The following NTRK3 variants were observed in gnomAD, a reference collection of about 807,000 sequenced individuals.
The protein encoded by NTRK3 is neurotrophic receptor tyrosine kinase 3, also known as NT-3 growth factor receptor.
Under a neutral mutation model 91.7 loss-of-function variants are expected in NTRK3, and 24 were observed. That is an observed-to-expected ratio of 0.26 (90% confidence interval 0.19 to 0.37). The LOEUF is 0.37. NTRK3 is among the 10% of genes least tolerant of loss of function. NTRK3 has a pLI of 1.00. For synonymous variants in NTRK3, 483 were observed against 404.0 expected (o/e 1.20, Z -2.34); for missense variants, 880 against 1,068.9 (o/e 0.82, Z 2.46).
chr15:88,033,081 G>A (rs368755604), intron 13 of NTRK3, 36 bp from the exon 14 acceptor site: 137 of 1,543,632 alleles, frequency 8.9e-5, no homozygotes, highest in Middle Eastern at 2.1e-4. Flanking sequence ...ACCTGGTGAC[G>A]TCACATCCGG....
At chr15:88,082,191 T>C (rs2048106565) in intron 13 of NTRK3, among the ~76,000 whole-genome samples, 1 of 148,316 alleles carries the variant, frequency 6.7e-6, no homozygotes, top group East Asian at 2.0e-4. Flanking sequence ...GGCAGGAGAA[T>C]GGAGTGAACC....
At chr15:87,982,637 A>T (rs2074386863) in intron 14 of NTRK3, among the ~76,000 whole-genome samples, 1 of 152,046 alleles carries the variant, frequency 6.6e-6, no homozygotes, top group African/African-American at 2.4e-5. Context: ...CTGTAAATGG[A>T]GCTTAGGGGA....
At chr15:88,061,954 T>G (rs1052291022) in intron 13 of NTRK3, among the ~76,000 whole-genome samples, 1 of 152,170 alleles carries the variant, frequency 6.6e-6, no homozygotes, top group African/African-American at 2.4e-5. Context: ...GTTCCACATC[T>G]GCAGATTCAG....
intron 13 of NTRK3, among the ~76,000 whole-genome samples, chr15:88,071,559 T>A (rs2047090505): frequency 6.6e-6 from 1 of 152,262 alleles, no homozygotes; most frequent in African/African-American, 2.4e-5. Context: ...AGATATTTAT[T>A]GTGCACCTAT....
chr15:88,145,834 A>G (rs1056107912), intron 6 of NTRK3, among the ~76,000 whole-genome samples: 9 of 136,802 alleles, frequency 6.6e-5, no homozygotes, highest in Non-Finnish European at 1.4e-4. Context: ...GTAACTTAAG[A>G]AAGACCACAA....
At position 88,235,922 on chromosome 15, in the gene NTRK3, A is replaced by G. The variant is rs2141816505; in HGVS notation, c.248+19984T>C. Among the ~76,000 whole-genome samples, 1 of 152,348 alleles carries G rather than the reference A, an allele frequency of 6.6e-6. No homozygotes were observed. Among genetic ancestry groups the G allele is most frequent in the Admixed American group, 6.5e-5 (1 of 15,306 alleles). On this transcript the variant is annotated intron_variant, in intron 3 of 18. Transcript: ENST00000394480. The surrounding 1 kb of genome is among the most constrained non-coding windows in gnomAD (Gnocchi z 5.2). ...CCCTCAATTTCTTCCTCTGCAAGGC[A>G]AAGATACAAGGTCCTGTTTCGATGA...
At chr15:88,142,058 C>T (rs187100852) in intron 6 of NTRK3, among the ~76,000 whole-genome samples, 2 of 152,178 alleles carry the variant, frequency 1.3e-5, no homozygotes, top group Non-Finnish European at 1.5e-5. Context: ...CAATGACACC[C>T]TAGACAGCCC....
intron 3 of NTRK3, among the ~76,000 whole-genome samples, chr15:88,199,364 C>T (rs1310321935): frequency 6.6e-6 from 1 of 152,192 alleles, no homozygotes; most frequent in Non-Finnish European, 1.5e-5. Flanking sequence ...ACTCCATGAT[C>T]CTTGGGGCAG....
At chr15:87,962,420 AGAG>A (rs1227837319) in intron 14 of NTRK3, among the ~76,000 whole-genome samples, 1 of 152,214 alleles carries the variant, frequency 6.6e-6, no homozygotes, top group Non-Finnish European at 1.5e-5. Context: ...TGTTAGAAAA[AGAG>A]GAGGAGAGGT....
At position 87,943,913 on chromosome 15, in the gene NTRK3, G is replaced by A. The variant is rs533819437; in HGVS notation, c.1586-3160C>T. On this transcript the variant is annotated intron_variant, in intron 14 of 18. Coordinates refer to ENST00000394480, the Ensembl canonical transcript of NTRK3. ...GCTCATCTGCTCTCTGTGAGCACAT[G>A]AAAAAGCCCAAGCAGAAGCCTCCGT... Among the ~76,000 whole-genome samples the A allele has an allele frequency of 2.6e-5, 4 of 152,154 alleles. No homozygotes were observed. In the East Asian group the frequency reaches 7.8e-4, roughly 30 times the overall value.
chr15:87,974,106 A>C (rs1210356822), intron 14 of NTRK3, among the ~76,000 whole-genome samples: 1 of 152,066 alleles, frequency 6.6e-6, no homozygotes, highest in African/African-American at 2.4e-5. Flanking sequence ...TCCTTTGCTC[A>C]TGCCTGGTCT....
Position 87,864,056 on chromosome 15 carries a change from C to G in NTRK3, c.*12879G>C, listed in dbSNP as rs182121761. Reference sequence around the variant, plus strand: ...AAAGTAAAGTCTACCTGAGAAATAACATGAATCTTCCCCCAACAGTACACA... The same window carrying G: ...AAAGTAAAGTCTACCTGAGAAATAAGATGAATCTTCCCCCAACAGTACACA... On this transcript the variant is annotated 3_prime_UTR_variant, in exon 19 of 19. Coordinates refer to ENST00000394480, the Ensembl canonical transcript of NTRK3. 8 of 231,020 alleles carry G rather than the reference C, an allele frequency of 3.5e-5. No homozygotes were observed. The East Asian group carries it at 4.9e-4, about 14-fold the overall frequency. 14.3% of individuals were successfully genotyped at this position (231,020 alleles called of 1,614,324 possible).
chr15:87,975,634 C>A (rs2073654984), intron 14 of NTRK3, among the ~76,000 whole-genome samples: 1 of 152,168 alleles, frequency 6.6e-6, no homozygotes. Flanking sequence ...CCTAGAGGCA[C>A]CAACCCTGGG....
chr15:88,046,285 C>T (rs1308418853), intron 13 of NTRK3, among the ~76,000 whole-genome samples: 1 of 152,162 alleles, frequency 6.6e-6, no homozygotes, highest in Non-Finnish European at 1.5e-5. Flanking sequence ...TCATGCCACA[C>T]CTTCCAGACT....
intron 13 of NTRK3, among the ~76,000 whole-genome samples, chr15:88,086,957 G>A (rs2048558842): frequency 6.6e-6 from 1 of 152,214 alleles, no homozygotes; most frequent in Non-Finnish European, 1.5e-5. Context: ...CAGGCTCTGT[G>A]ATTTGACATC....
chr15:88,073,313 G>C (rs893350793), intron 13 of NTRK3, among the ~76,000 whole-genome samples: 11 of 152,224 alleles, frequency 7.2e-5, no homozygotes, highest in Non-Finnish European at 1.5e-5. Context: ...AGCTGACTGG[G>C]AAGCATGGCC....
intron 3 of NTRK3, among the ~76,000 whole-genome samples, chr15:88,252,271 G>A (rs1185974347): frequency 1.3e-5 from 2 of 152,008 alleles, no homozygotes; most frequent in Non-Finnish European, 2.9e-5. Flanking sequence ...CTGGGTCATT[G>A]TCAAGGCTGG....
chr15:88,121,669 C>G (rs893397264), intron 13 of NTRK3, among the ~76,000 whole-genome samples: 4 of 152,184 alleles, frequency 2.6e-5, no homozygotes, highest in Non-Finnish European at 5.9e-5. Context: ...TCCCAACCAC[C>G]CTGGCCACCC....
chr15:88,004,627 G>C (rs572653649), intron 14 of NTRK3, among the ~76,000 whole-genome samples: 1 of 152,328 alleles, frequency 6.6e-6, no homozygotes, highest in South Asian at 2.1e-4. Context: ...ACACTAAGAA[G>C]AATGTGTACC....
Sources: gnomAD v4.1 joint callset for allele counts (sites outside exome capture counted in the v4.1 genomes callset) on GRCh38, gnomAD v4.1.1 for gene constraint, Gnocchi (gnomAD v3.1) non-coding constraint, MANE v1.5 for transcripts, NCBI Gene and HGNC (gene_info 2026-07-23, HGNC 2026-07-21) for gene names.